Variants in SLC30A10 observed in about 807,000 individuals in gnomAD.
SLC30A10 encodes the protein calcium/manganese antiporter SLC30A10.
Under a neutral mutation model 21.7 loss-of-function variants are expected in SLC30A10, and 8 were observed. The ratio of observed to expected loss-of-function variants is 0.37; its 90% CI spans 0.22 to 0.67. SLC30A10 has a LOEUF of 0.67. Among genes scored for constraint, SLC30A10 ranks in the 30% least tolerant of loss-of-function variants. The pLI, the probability that SLC30A10 is intolerant of heterozygous loss-of-function variation, is 0.58. For missense variants in SLC30A10, 521 were observed against 642.5 expected (o/e 0.81, Z 2.04); for synonymous variants, 272 against 279.4 (o/e 0.97, Z 0.26).
chr1:219,915,318 A>T lies in SLC30A10; in HGVS notation c.*131T>A. On this transcript the variant is annotated 3_prime_UTR_variant, in exon 4 of 4. Coordinates refer to ENST00000366926, the MANE Select transcript of SLC30A10 (RefSeq NM_018713.3). ...GTTTAACTAAAATCCCAAACAGCCA[A>T]CCCCTAGTGAACACAGAGCATGCAT... 1 of 1,154,104 alleles carries T rather than the reference A, an allele frequency of 8.7e-7. No individual in the cohort carries two copies. Among genetic ancestry groups the T allele is most frequent in the Admixed American group, 2.3e-5 (1 of 43,388 alleles). 71.5% of individuals were successfully genotyped at this position (1,154,104 alleles called of 1,614,324 possible). A position where few individuals can be genotyped will look rare whatever the true frequency, so the allele number is the denominator to read the frequency against.
rs542204731 is a variant in SLC30A10, at chr1:219,910,702, C to A, written c.*4747G>T. Among the ~76,000 whole-genome samples, 1 of 152,202 alleles carries A rather than the reference C, an allele frequency of 6.6e-6. No individual in the cohort carries two copies. Among genetic ancestry groups the A allele is most frequent in the Non-Finnish European group, 1.5e-5 (1 of 68,050 alleles). ...CAGATCTCCAGGAAGAGGTCACTCT[C>A]CCTTGAAAATCATCCTTTCCGGATT... On this transcript the variant is annotated 3_prime_UTR_variant, in exon 4 of 4. Coordinates refer to ENST00000366926, the MANE Select transcript of SLC30A10 (RefSeq NM_018713.3).
chr1:219,950,931 A>G (rs1402605277), intron 1 of SLC30A10, among the ~76,000 whole-genome samples: 1 of 152,178 alleles, frequency 6.6e-6, no homozygotes, highest in Non-Finnish European at 1.5e-5. Flanking sequence ...CTAGGTGACA[A>G]GAGCAAAACT....
chr1:219,956,874 G>C (rs1393859619), intron 1 of SLC30A10, among the ~76,000 whole-genome samples: 1 of 152,124 alleles, frequency 6.6e-6, no homozygotes, highest in Non-Finnish European at 1.5e-5. Flanking sequence ...GTCAGAGTCA[G>C]ACCGTTTACC....
At chr1:219,944,939 G>A (rs1480963193) in intron 1 of SLC30A10, among the ~76,000 whole-genome samples, 1 of 152,160 alleles carries the variant, frequency 6.6e-6, no homozygotes, top group Non-Finnish European at 1.5e-5. Context: ...AAAACTGGCA[G>A]AGTGGCTAAA....
chr1:219,945,503 G>A (rs1271248459), intron 1 of SLC30A10, among the ~76,000 whole-genome samples: 1 of 151,968 alleles, frequency 6.6e-6, no homozygotes, highest in Non-Finnish European at 1.5e-5. Context: ...AATAAATGAA[G>A]GTAAATCTGA....
At chr1:219,921,907 A>AAG (rs1218617156) in intron 2 of SLC30A10, among the ~76,000 whole-genome samples, 156 of 66,046 alleles carry the variant, frequency 2.4e-3, no homozygotes, top group African/African-American at 0.011. Context: ...GTGTGTGTGA[A>AAG]AGAGAGAGAG....
At chr1:219,928,676 C>T (rs1018478946), upstream of SLC30A10, 6 of 448,598 alleles carry the variant, frequency 1.3e-5, no homozygotes, top group African/African-American at 8.3e-5. The surrounding 1 kb of genome is among the most constrained non-coding windows in gnomAD (Gnocchi z 6.3). Context: ...TGCACCGCCT[C>T]CCGCGGCCCT....
chr1:219,919,606 T>C (rs968695766), intron 2 of SLC30A10, among the ~76,000 whole-genome samples: 1 of 152,012 alleles, frequency 6.6e-6, no homozygotes, highest in Non-Finnish European at 1.5e-5. Context: ...TGAAACCCTA[T>C]CTCTACTAAA....
At chr1:219,937,826 A>G (rs1660067466) in intron 1 of SLC30A10, among the ~76,000 whole-genome samples, 1 of 152,112 alleles carries the variant, frequency 6.6e-6, no homozygotes, top group Non-Finnish European at 1.5e-5. Context: ...AACTAGAATA[A>G]TTCCTTAATC....
chr1:219,947,747 T>C (rs1558260632), intron 1 of SLC30A10, among the ~76,000 whole-genome samples: 2 of 152,046 alleles, frequency 1.3e-5, no homozygotes. Context: ...GGAGAATCAC[T>C]TGAACCCGGG....
At chr1:219,916,679 G>A (rs1013262581) in intron 3 of SLC30A10, among the ~76,000 whole-genome samples, 1 of 152,118 alleles carries the variant, frequency 6.6e-6, no homozygotes, top group Non-Finnish European at 1.5e-5. Flanking sequence ...TTTCCAAAAT[G>A]AGTATGTATT....
chr1:219,928,011 A>C lies in SLC30A10; in HGVS notation c.430T>G (p.Cys144Gly). 1.3e-6 allele frequency: 2 copies of C among 1,567,460 alleles called. No individual in the cohort carries two copies. Among genetic ancestry groups the C allele is most frequent in the Non-Finnish European group, 1.7e-6 (2 of 1,157,958 alleles). ...FQDCAAWFAC[C>G]LRGRSRRLQQ... ...AGGCGGCGACTGCGTCCCCGGAGGC[A>C]GCACGCGAACCAGGCGGCGCAGTCC... The change falls in exon 1 of 4, where the codon TGC becomes GGC. Residue 144 changes from cysteine to glycine, a missense_variant. By Grantham distance (159) the Cys-to-Gly change is radical. Coordinates refer to ENST00000366926, the MANE Select transcript of SLC30A10 (RefSeq NM_018713.3). This position sits in a 1 kb window ranked among gnomAD's most constrained non-coding sequence, Gnocchi z 6.3.
intron 1 of SLC30A10, among the ~76,000 whole-genome samples, chr1:219,952,698 T>C (rs1044859477): frequency 6.6e-6 from 1 of 152,214 alleles, no homozygotes; most frequent in Non-Finnish European, 1.5e-5. Context: ...ATTCTCTCTA[T>C]ACTCTGACAA....
At position 219,928,276 on chromosome 1, in the gene SLC30A10, C is replaced by G; in HGVS notation, c.165G>C (p.Leu55=). 1 of 1,599,440 alleles carries G rather than the reference C, an allele frequency of 6.3e-7. No homozygotes were observed. Among genetic ancestry groups the G allele is most frequent in the Non-Finnish European group, 8.5e-7 (1 of 1,174,250 alleles). The stretch of plus-strand genomic sequence containing the variant: ...GGCGCCGGGCGATGTAGCCGGCGCT[C>G]AGGCCCACGCACAGCGAGATCAGGT... ...LSDLISLCVG[L]SAGYIARRPT... Residue 55 remains leucine (L), a synonymous_variant, in exon 1 of 4, where the codon CTG becomes CTC. Transcript: ENST00000366926. The surrounding 1 kb of genome is among the most constrained non-coding windows in gnomAD (Gnocchi z 6.3).
At position 219,918,461 on chromosome 1, in the gene SLC30A10, C is replaced by T; in HGVS notation, c.752G>A (p.Gly251Glu). Residue 251 changes from glycine (G) to glutamate (E), a missense_variant, in exon 3 of 4, where the codon GGG (glycine) becomes GAG (glutamate). Transcript: ENST00000366926. This position sits in a 1 kb window ranked among gnomAD's most constrained non-coding sequence, Gnocchi z 4.4. ...VLLHVMGDAL[G>E]SVVVVITAII... is the part of the protein sequence containing the mutation. ...GGCCGTGATGACCACAACCACGGAC[C>T]CCAGGGCATCTCCCATCACATGCAA... The T allele has an allele frequency of 1.2e-6, 2 of 1,609,388 alleles. No individual in the cohort carries two copies. Among genetic ancestry groups the T allele is most frequent in the Non-Finnish European group, 8.5e-7 (1 of 1,176,530 alleles).
intron 1 of SLC30A10, among the ~76,000 whole-genome samples, chr1:219,940,882 C>G (rs1318965046): frequency 6.6e-6 from 1 of 152,152 alleles, no homozygotes; most frequent in Admixed American, 6.5e-5. Context: ...GAGGGTTGAT[C>G]AGATTTGTTT....
At chr1:219,930,602 T>A (rs1254847639), upstream of SLC30A10, among the ~76,000 whole-genome samples, 1 of 152,208 alleles carries the variant, frequency 6.6e-6, no homozygotes, top group Non-Finnish European at 1.5e-5. Context: ...GCATCCTTGA[T>A]CCAAGTCCCA....
At chr1:219,915,970 A>G (rs755415937) in intron 3 of SLC30A10, 22 bp from the exon 4 acceptor site, 1 of 1,600,012 alleles carries the variant, frequency 6.2e-7, no homozygotes, top group South Asian at 1.1e-5. Context: ...AAGAGCAAAC[A>G]AAAGCCAAGG....
chr1:219,924,225 G>C (rs2102531362), intron 2 of SLC30A10, among the ~76,000 whole-genome samples: 1 of 152,320 alleles, frequency 6.6e-6, no homozygotes, highest in Admixed American at 6.5e-5. Context: ...TTCTAAAGCA[G>C]TTGCTTAAAT....
Sources: gnomAD v4.1 joint callset for allele counts (sites outside exome capture counted in the v4.1 genomes callset) on GRCh38, gnomAD v4.1.1 for gene constraint, Gnocchi (gnomAD v3.1) non-coding constraint, MANE v1.5 for transcripts, NCBI Gene and HGNC (gene_info 2026-07-23, HGNC 2026-07-21) for gene names.